Variants in LTN1 observed in about 807,000 individuals in gnomAD.
LTN1 encodes the protein listerin E3 ubiquitin protein ligase 1, also known as E3 ubiquitin-protein ligase listerin.
Under a neutral mutation model 201.2 loss-of-function variants are expected in LTN1, and 88 were observed. The ratio of observed to expected loss-of-function variants is 0.44; its 90% CI spans 0.37 to 0.52. The LOEUF is 0.52. LTN1 is among the 20% of genes least tolerant of loss of function. The probability of loss-of-function intolerance (pLI) is 0.00; values close to 1 mark genes in which losing one functional copy is unlikely to be tolerated. For synonymous variants in LTN1, 645 were observed against 713.5 expected (o/e 0.90, Z 1.53); for missense variants, 1,752 against 2,038.7 (o/e 0.86, Z 2.71).
At chr21:28,989,592 C>A (rs2084729435) in intron 1 of LTN1, among the ~76,000 whole-genome samples, 1 of 152,028 alleles carries the variant, frequency 6.6e-6, no homozygotes. Context: ...AGACCTTTCA[C>A]CATCTAACCT....
rs1346073349 is a variant in LTN1 at position 28,988,148 on chromosome 21, AAAAAAAAACAAC to A, written c.43-1226_43-1215del. Among the ~76,000 whole-genome samples the A allele has an allele frequency of 3.4e-5, 5 of 145,384 alleles. No individual in the cohort carries two copies. The South Asian group carries it at 8.6e-4, about 25-fold the overall frequency. On this transcript the variant is annotated intron_variant, in intron 1 of 29. Coordinates refer to ENST00000361371, the MANE Select transcript of LTN1 (RefSeq NM_015565.3). Reference sequence around the variant, plus strand: ...CAGGGCGAGACTCTGTCTCAAAAAAAAAAAAAAACAACAAAAAAAAACAAATTGCTCATACCG... The same window carrying A: ...CAGGGCGAGACTCTGTCTCAAAAAAAAAAAAAAAACAAATTGCTCATACCG...
rs1601161721 is a variant in LTN1, at chr21:28,935,049, A to G, written c.4875+60T>C. ...AGCTACAGTCTGTTATGATATTAAC[A>G]ATGACAGACATACCCAATATTAAAA... On this transcript the variant is annotated intron_variant, in intron 27 of 29. Transcript: ENST00000361371. 4 of 1,058,646 alleles carry G rather than the reference A, an allele frequency of 3.8e-6. No individual in the cohort carries two copies. In the East Asian group the frequency reaches 7.1e-5, roughly 19 times the overall value. The allele number at this position is 1,058,646 out of a possible 1,614,324, so 65.6% of individuals were successfully genotyped here.
chr21:28,972,269 G>A (rs923543134), intron 6 of LTN1, among the ~76,000 whole-genome samples: 3 of 152,206 alleles, frequency 2.0e-5, no homozygotes, highest in Admixed American at 6.5e-5. Context: ...CTACAGAACC[G>A]TGAGAAATAA....
rs139370409 is a variant in LTN1 at position 28,932,654 on chromosome 21, C to T, written c.4886G>A (p.Arg1629Gln). ...AGCCATTACCTCTCGAGTAGTAGCTCGAGCTTTAACCTGCAATACAACAAA... is the reference window on the plus strand; with the variant it reads ...AGCCATTACCTCTCGAGTAGTAGCTTGAGCTTTAACCTGCAATACAACAAA... ...QLFNGMTVKA[R>Q]ATTREVMATY... Residue 1629 changes from arginine to glutamine, a missense_variant, in exon 28 of 30, where the codon CGA becomes CAA. Physicochemically the swap from Arg to Gln is conservative, Grantham distance 43 (BLOSUM62 1). Coordinates refer to ENST00000361371, the MANE Select transcript of LTN1 (RefSeq NM_015565.3). 3.7e-6 allele frequency: 6 copies of T among 1,608,094 alleles called. No homozygotes were observed. The highest frequency in any genetic ancestry group is 2.7e-5 in the African/African-American group (2 of 74,678).
Position 28,956,917 on chromosome 21 carries a change from A to C in LTN1, c.2924T>G (p.Leu975Trp). Residue 975 changes from leucine to tryptophan, a missense_variant, in exon 16 of 30, where the codon TTG becomes TGG. Coordinates refer to ENST00000361371, the MANE Select transcript of LTN1 (RefSeq NM_015565.3). ...WLHRPLLEGR[L>W]SLNYECFKTD... ...TTTGAAACATTCATAATTCAAACTC[A>C]ATCTTCCCTCTAAAAGAGGTCTATG... 6.2e-7 allele frequency: 1 copy of C among 1,607,296 alleles called. No individual in the cohort carries two copies. Among genetic ancestry groups the C allele is most frequent in the South Asian group, 1.1e-5 (1 of 89,780 alleles).
chr21:28,956,893 T>C lies in LTN1; in HGVS notation c.2948A>G (p.Lys983Arg). Reference protein sequence around the residue: ...GRLSLNYECFKTDFKEQDIKT... With the variant: ...GRLSLNYECFRTDFKEQDIKT... ...TATGTCCTGTTCCTTAAAATCTGTT[T>C]TGAAACATTCATAATTCAAACTCAA... Residue 983 changes from lysine to arginine, a missense_variant, in exon 16 of 30, where the codon AAA becomes AGA. Physicochemically the swap from Lys to Arg is conservative, Grantham distance 26. Around this residue, in one of 3 missense-constraint regions of LTN1, gnomAD observed 1,211 missense variants for 1,312.8 expected, o/e 0.92. Transcript: ENST00000361371. The C allele has an allele frequency of 6.2e-7, 1 of 1,610,620 alleles. No homozygotes were observed. Among genetic ancestry groups the C allele is most frequent in the Non-Finnish European group, 8.5e-7 (1 of 1,178,312 alleles).
intron 1 of LTN1, among the ~76,000 whole-genome samples, chr21:28,987,500 T>C (rs1362466781): frequency 6.6e-5 from 10 of 152,156 alleles, no homozygotes; most frequent in Admixed American, 6.6e-4. Context: ...GTGGATACAC[T>C]CATTTCCACA....
chr21:28,989,246 T>G (rs955134462), intron 1 of LTN1, among the ~76,000 whole-genome samples: 2 of 151,944 alleles, frequency 1.3e-5, no homozygotes, highest in Non-Finnish European at 2.9e-5. Flanking sequence ...TCTAAAGGAG[T>G]TGAGGCTGAA....
chr21:28,959,774 T>C (rs767615437), intron 12 of LTN1, 77 bp from the exon 13 acceptor site: 51 of 1,220,138 alleles, frequency 4.2e-5, no homozygotes, highest in Non-Finnish European at 5.7e-5. Flanking sequence ...TTTGGATTAA[T>C]AATTCTATGG....
At chr21:28,964,613 T>C in intron 11 of LTN1, 1 of 1,549,124 alleles carries the variant, frequency 6.5e-7, no homozygotes, top group South Asian at 1.2e-5. Context: ...ACATATCTAA[T>C]GAAAGAAGCT....
chr21:28,983,133 CCTCT>C (rs1234146614), intron 4 of LTN1, among the ~76,000 whole-genome samples: 5 of 152,164 alleles, frequency 3.3e-5, no homozygotes, highest in African/African-American at 7.2e-5. Flanking sequence ...TTGCCTAACT[CCTCT>C]CTAATACATG....
At chr21:28,985,420 A>C (rs1165798920) in intron 3 of LTN1, among the ~76,000 whole-genome samples, 1 of 151,472 alleles carries the variant, frequency 6.6e-6, no homozygotes, top group East Asian at 2.0e-4. Flanking sequence ...AGATCGCGCC[A>C]CTGCACTCCA....
In LTN1 at chr21:28,971,459, A is replaced by C; in HGVS notation, c.811-15T>G. On this transcript the variant is annotated splice_polypyrimidine_tract_variant and intron_variant, in intron 6 of 29. Transcript: ENST00000361371. Reference sequence around the variant, plus strand: ...GCTGAGCGAATCTAAAAGAATGCAAAGCTGAATTAAATTAAAACCTAGTAA... The same window carrying C: ...GCTGAGCGAATCTAAAAGAATGCAACGCTGAATTAAATTAAAACCTAGTAA... 6.2e-7 allele frequency: 1 copy of C among 1,610,048 alleles called. No homozygotes were observed. The highest frequency in any genetic ancestry group is 1.1e-5 in the South Asian group (1 of 90,562).
At chr21:28,955,516 G>C (rs1402592162) in intron 16 of LTN1, among the ~76,000 whole-genome samples, 5 of 152,036 alleles carry the variant, frequency 3.3e-5, no homozygotes, top group Non-Finnish European at 7.4e-5. Flanking sequence ...CCCTATATTT[G>C]CTGCAGCACT....
intron 1 of LTN1, among the ~76,000 whole-genome samples, chr21:28,991,595 G>A (rs972534554): frequency 6.6e-6 from 1 of 152,168 alleles, no homozygotes; most frequent in Non-Finnish European, 1.5e-5. Flanking sequence ...AAGAGTATAT[G>A]GGATGTCGTT....
At chr21:28,937,460 A>G (rs998650577) in intron 25 of LTN1, among the ~76,000 whole-genome samples, 1 of 152,208 alleles carries the variant, frequency 6.6e-6, no homozygotes, top group Admixed American at 6.5e-5. Flanking sequence ...TTTTATAGGC[A>G]TATAATATGT....
At chr21:28,953,090 A>T (rs1233800324) in intron 17 of LTN1, 127 bp downstream of exon 17, 2 of 536,240 alleles carry the variant, frequency 3.7e-6, no homozygotes, top group East Asian at 6.7e-5. Flanking sequence ...TATTATTAAG[A>T]ATAGGAATTA....
chr21:28,973,127 C>T (rs2084588211), intron 6 of LTN1, among the ~76,000 whole-genome samples: 1 of 151,978 alleles, frequency 6.6e-6, no homozygotes, highest in South Asian at 2.1e-4. Flanking sequence ...GCGGGCAGAT[C>T]ACTTAAAGCC....
chr21:28,942,073 T>A (rs990349051), intron 24 of LTN1, among the ~76,000 whole-genome samples: 1 of 152,210 alleles, frequency 6.6e-6, no homozygotes, highest in African/African-American at 2.4e-5. Flanking sequence ...TTCTCCATGA[T>A]ACTCTAGCCT....
Sources: allele counts gnomAD v4.1 joint callset (sites outside exome capture counted in the v4.1 genomes callset), GRCh38; gene constraint gnomAD v4.1.1; regional missense constraint gnomAD v4.1.1; transcripts MANE v1.5; gene names NCBI Gene and HGNC (gene_info 2026-07-23, HGNC 2026-07-21).